Variants in ANAPC10 observed in about 807,000 individuals in gnomAD.
ANAPC10 encodes the protein anaphase-promoting complex subunit 10.
In ANAPC10, 12 loss-of-function variants were observed where a neutral mutation model predicts 22.0. The observed-to-expected ratio is 0.55, with a 90% CI of 0.35 to 0.88. The LOEUF is 0.88. Among genes scored for constraint, ANAPC10 ranks in the 40% least tolerant of loss-of-function variants. The pLI is 0.01. For missense variants in ANAPC10, 188 were observed against 220.9 expected (o/e 0.85, Z 0.94); for synonymous variants, 65 against 69.5 (o/e 0.94, Z 0.32).
chr4:145,062,621 A>G (rs1435011161), intron 4 of ANAPC10, among the ~76,000 whole-genome samples: 2 of 152,126 alleles, frequency 1.3e-5, no homozygotes, highest in African/African-American at 2.4e-5. Context: ...GAAAAGAAAA[A>G]AAAAAAGTAA....
intron 4 of ANAPC10, among the ~76,000 whole-genome samples, chr4:145,061,541 A>C (rs1222261094): frequency 2.0e-5 from 3 of 152,204 alleles, no homozygotes; most frequent in Admixed American, 2.0e-4. Flanking sequence ...CATCTAGAGG[A>C]GGTTTCAAAT....
chr4:145,001,696 A>G (rs1470762314), intron 4 of ANAPC10, among the ~76,000 whole-genome samples: 1 of 152,156 alleles, frequency 6.6e-6, no homozygotes, highest in Non-Finnish European at 1.5e-5. Flanking sequence ...TTTCGTTGAT[A>G]TCAGCTGCTA....
rs548371361 is a variant in ANAPC10, at chr4:145,067,321, C to G, written c.207-2629G>C. On this transcript the variant is annotated intron_variant, in intron 3 of 4. Coordinates refer to ENST00000507656, the MANE Select transcript of ANAPC10 (RefSeq NM_001256706.2). Reference sequence around the variant, plus strand: ...CACTCCATAGTGAATGCTCACTATACGCCAGGCATCGTGCTATATTCGTAG... The same window carrying G: ...CACTCCATAGTGAATGCTCACTATAGGCCAGGCATCGTGCTATATTCGTAG... Among the ~76,000 whole-genome samples, 3 of 152,186 alleles carry G rather than the reference C, an allele frequency of 2.0e-5. No individual in the cohort carries two copies. In the East Asian group the frequency reaches 5.8e-4, roughly 29 times the overall value.
chr4:145,002,238 G>A (rs931397421), intron 4 of ANAPC10, among the ~76,000 whole-genome samples: 3 of 152,160 alleles, frequency 2.0e-5, no homozygotes, highest in African/African-American at 7.2e-5. Context: ...GGAGAAAAAA[G>A]GTCTAATATG....
At chr4:145,080,452 C>T (rs1165981849) in intron 3 of ANAPC10, among the ~76,000 whole-genome samples, 1 of 152,180 alleles carries the variant, frequency 6.6e-6, no homozygotes, top group Non-Finnish European at 1.5e-5. Flanking sequence ...TGTAGGGCCA[C>T]CTTTGTGCCA....
intron 4 of ANAPC10, among the ~76,000 whole-genome samples, chr4:145,054,708 G>A (rs1034482932): frequency 2.0e-4 from 30 of 146,978 alleles, no homozygotes; most frequent in Admixed American, 1.3e-4. Context: ...GTGTGTGTGT[G>A]CATGTGTGTG....
At chr4:145,018,124 A>ATATAT (rs375095644) in intron 4 of ANAPC10, among the ~76,000 whole-genome samples, 15 of 147,964 alleles carry the variant, frequency 1.0e-4, no homozygotes, top group East Asian at 3.9e-4. Context: ...TAATAAAAAA[A>ATATAT]ATATATATAT....
chr4:145,004,829 T>G (rs1280984265), intron 4 of ANAPC10, among the ~76,000 whole-genome samples: 1 of 152,164 alleles, frequency 6.6e-6, no homozygotes, highest in South Asian at 2.1e-4. Context: ...GTTGTGTCTC[T>G]GCCAGGTTTT....
chr4:145,047,442 A>C (rs1740474607), intron 4 of ANAPC10, among the ~76,000 whole-genome samples: 1 of 152,180 alleles, frequency 6.6e-6, no homozygotes, highest in African/African-American at 2.4e-5. Flanking sequence ...CTATAACTTC[A>C]GGTTAAATGG....
rs1381894893 is a variant in ANAPC10 at position 144,995,519 on chromosome 4, G to T, written c.412C>A (p.Gln138Lys). Residue 138 changes from glutamine to lysine, a missense_variant, in exon 5 of 5, where the codon CAG (glutamine) becomes AAG (lysine). Gln to Lys is a moderately conservative substitution (Grantham distance 53, BLOSUM62 1). Coordinates refer to ENST00000507656, the MANE Select transcript of ANAPC10 (RefSeq NM_001256706.2). Reference protein sequence around the residue: ...HKKPTRTFMIQIAVLANHQNG... With the variant: ...HKKPTRTFMIKIAVLANHQNG... ...TGGTGATTGGCTAGAACAGCAATCT[G>T]TATCATGAATGTACGAGTTGGCTTC... The T allele has an allele frequency of 6.2e-7, 1 of 1,613,842 alleles. No homozygotes were observed. Among genetic ancestry groups the T allele is most frequent in the East Asian group, 2.2e-5 (1 of 44,830 alleles).
At chr4:145,072,625 T>C (rs1231150831) in intron 3 of ANAPC10, among the ~76,000 whole-genome samples, 1 of 152,152 alleles carries the variant, frequency 6.6e-6, no homozygotes, top group Non-Finnish European at 1.5e-5. Flanking sequence ...AAGTTAGTTC[T>C]CAAGTGCTAA....
intron 3 of ANAPC10, among the ~76,000 whole-genome samples, chr4:145,070,048 AAAT>A (rs751238558): frequency 1.4e-4 from 22 of 152,214 alleles, no homozygotes; most frequent in Non-Finnish European, 3.1e-4. Flanking sequence ...CTAAAATAGT[AAAT>A]AATGAGATAC....
chr4:145,010,685 AG>A (rs1465498430), intron 4 of ANAPC10, among the ~76,000 whole-genome samples: 2 of 152,024 alleles, frequency 1.3e-5, no homozygotes, highest in African/African-American at 4.8e-5. Flanking sequence ...GGGTGGGGAA[AG>A]AGGGGGAGGG....
At chr4:145,011,311 T>C (rs921857277) in intron 4 of ANAPC10, among the ~76,000 whole-genome samples, 10 of 135,222 alleles carry the variant, frequency 7.4e-5, no homozygotes, top group Non-Finnish European at 1.4e-4. Flanking sequence ...TACTCTGGCC[T>C]GGATGACAGA....
intron 2 of ANAPC10, among the ~76,000 whole-genome samples, chr4:145,090,418 T>A (rs1455728744): frequency 1.3e-5 from 2 of 152,224 alleles, no homozygotes; most frequent in Non-Finnish European, 2.9e-5. Context: ...CCCTTGCTTT[T>A]ATGTCCTTAG....
At chr4:145,056,938 C>A (rs558810184) in intron 4 of ANAPC10, among the ~76,000 whole-genome samples, 12 of 152,094 alleles carry the variant, frequency 7.9e-5, no homozygotes, top group African/African-American at 2.9e-4. Context: ...TCTTCTTTGC[C>A]CTAGGCTGTT....
In ANAPC10 at chr4:145,024,458, C is replaced by T. The variant is rs1736380124; in HGVS notation, c.328-28855G>A. Among the ~76,000 whole-genome samples the T allele has an allele frequency of 2.6e-5, 4 of 152,294 alleles. No individual in the cohort carries two copies. In the South Asian group the frequency reaches 8.3e-4, roughly 32 times the overall value. On this transcript the variant is annotated intron_variant, in intron 4 of 4. Transcript: ENST00000507656. ...TAATAAGAATTGAAAGTTAAAATAA[C>T]TCCTTCATCTATAAGCTGCAGAACA...
chr4:144,995,404 A>G lies in ANAPC10; in HGVS notation c.527T>C (p.Ile176Thr), dbSNP rs1731462379. 2 of 1,612,480 alleles carry G rather than the reference A, an allele frequency of 1.2e-6. No homozygotes were observed. The highest frequency in any genetic ancestry group is 1.7e-6 in the Non-Finnish European group (2 of 1,178,918). ...TATTGAACGATACATCATGAAATCT[A>G]TAGTTGTACATCTAGGAAATTTACC... ...SIGKFPRCTT[I>T]DFMMYRSIR is the part of the protein sequence containing the mutation. Residue 176 changes from isoleucine to threonine, a missense_variant, in exon 5 of 5, where the codon ATA (isoleucine) becomes ACA (threonine). Coordinates refer to ENST00000507656, the MANE Select transcript of ANAPC10 (RefSeq NM_001256706.2).
chr4:145,052,061 G>C (rs1012864675), intron 4 of ANAPC10, among the ~76,000 whole-genome samples: 2 of 152,140 alleles, frequency 1.3e-5, no homozygotes, highest in African/African-American at 4.8e-5. Flanking sequence ...ATCTAAAGTT[G>C]AACTCACAGA....
Sources: gnomAD v4.1 joint callset for allele counts (sites outside exome capture counted in the v4.1 genomes callset) on GRCh38, gnomAD v4.1.1 for gene constraint, MANE v1.5 for transcripts, NCBI Gene and HGNC (gene_info 2026-07-23, HGNC 2026-07-21) for gene names.